The following SLC39A4 variants were observed in gnomAD, a reference collection of about 807,000 sequenced individuals.
The protein encoded by SLC39A4 is zinc transporter ZIP4.
SLC39A4 carries 49 observed loss-of-function variants against 56.6 expected under a neutral mutation model. That is an observed-to-expected ratio of 0.87 (90% CI 0.69 to 1.10). The LOEUF (loss-of-function observed/expected upper bound fraction) is 1.10, where lower values mean the gene tolerates loss of function less well. SLC39A4 is among the 50% of genes least tolerant of loss of function. The pLI is 0.00. For synonymous variants in SLC39A4, 540 were observed against 420.4 expected, an observed-to-expected ratio of 1.28 and a Z score of -3.48; for missense variants, 993 against 864.2, an observed-to-expected ratio of 1.15 and a Z score of -1.87.
In SLC39A4 at chr8:144,412,670, A is replaced by G. The variant is rs377259479; in HGVS notation, c.1816-4T>C. Reference sequence around the variant, plus strand: ...GTACTTTCAACATCGCCGGGAGCTGAGGAGCAAGTGGGCACCGGGTCAGCG... The same window carrying G: ...GTACTTTCAACATCGCCGGGAGCTGGGGAGCAAGTGGGCACCGGGTCAGCG... On this transcript the variant is annotated splice_polypyrimidine_tract_variant and splice_region_variant and intron_variant, in intron 11 of 11. Coordinates refer to ENST00000301305, the MANE Select transcript of SLC39A4 (RefSeq NM_130849.4). 6.2e-7 allele frequency: 1 copy of G among 1,613,666 alleles called. No individual in the cohort carries two copies. The highest frequency in any genetic ancestry group is 1.3e-5 in the African/African-American group (1 of 74,930).
rs1184115777 is a variant in SLC39A4 at position 144,414,301 on chromosome 8, AC to A, written c.1109del (p.Gly370ValfsTer11). The A allele has an allele frequency of 6.2e-7, 1 of 1,606,806 alleles. No homozygotes were observed. The highest frequency in any genetic ancestry group is 8.5e-7 in the Non-Finnish European group (1 of 1,177,936). On this transcript the variant is annotated frameshift_variant, in exon 6 of 12. Coordinates refer to ENST00000301305, the MANE Select transcript of SLC39A4 (RefSeq NM_130849.4). LOFTEE classifies it high-confidence loss of function. ...ILQTFLSLAV[G>X]AVTGDAVLHL... ...GCAGGACAGCGTCCCCAGTGACTGC[AC>A]CCACTGCCAGGCTCAGGAAGGTCTG...
rs782012863 is a variant in SLC39A4, at chr8:144,415,003, A to G, written c.775T>C (p.Ser259Pro). 3 of 1,612,130 alleles carry G rather than the reference A, an allele frequency of 1.9e-6. No homozygotes were observed. The highest frequency in any genetic ancestry group is 2.2e-5 in the South Asian group (2 of 91,086). Residue 259 changes from serine to proline, a missense_variant, in exon 4 of 12, where the codon TCC becomes CCC. Ser to Pro is a moderately conservative substitution (Grantham distance 74). Transcript: ENST00000301305. ...SSRDPVPLIS[S>P]SNSSSVWDTV... ...TCCCACACACTGGAGCTGTTGCTGG[A>G]GCTGATGAGGGGCACAGGGTCCCGG...
rs782606354 is a variant in SLC39A4 at position 144,413,307 on chromosome 8, G to A, written c.1557C>T (p.Phe519=). Reference sequence around the variant, plus strand: ...CCAGCCCGGTCTTCCAGGAGGACGCGAAGGCGGCGCCCACGGCCAGCCCGT... The same window carrying A: ...CCAGCCCGGTCTTCCAGGAGGACGCAAAGGCGGCGCCCACGGCCAGCCCGT... ...FADGLAVGAA[F]ASSWKTGLAT... Residue 519 remains phenylalanine, a synonymous_variant, in exon 10 of 12, where the codon TTC becomes TTT. Coordinates refer to ENST00000301305, the MANE Select transcript of SLC39A4 (RefSeq NM_130849.4). The A allele has an allele frequency of 2.1e-5, 34 of 1,603,412 alleles. No individual in the cohort carries two copies. In the South Asian group the frequency reaches 3.4e-4, roughly 16 times the overall value.
intron 1 of SLC39A4, chr8:144,416,294 AAC>A: frequency 1.3e-6 from 2 of 1,528,212 alleles, no homozygotes; most frequent in Non-Finnish European, 1.8e-6. Context: ...AGGGGTCCCC[AAC>A]AGTGGTCCCC....
rs1048375699 is a variant in SLC39A4 at position 144,416,532 on chromosome 8, C to G, written c.192+66G>C. On this transcript the variant is annotated intron_variant, in intron 1 of 11. Transcript: ENST00000301305. ...GAGTTTGCCCAGGGCCCTTTGCTGCCGGCTGGCAGGGCGGAGCTGGCGGGA... is the reference window on the plus strand; with the variant it reads ...GAGTTTGCCCAGGGCCCTTTGCTGCGGGCTGGCAGGGCGGAGCTGGCGGGA... The G allele has an allele frequency of 4.6e-6, 7 of 1,529,100 alleles. No individual in the cohort carries two copies. In the African/African-American group the frequency reaches 9.6e-5, roughly 21 times the overall value. 94.7% of individuals were successfully genotyped at this position (1,529,100 alleles called of 1,614,324 possible). A position where few individuals can be genotyped will look rare whatever the true frequency, so the allele number is the denominator to read the frequency against.
At position 144,415,083 on chromosome 8, in the gene SLC39A4, C is replaced by T. The variant is rs1822112979; in HGVS notation, c.695G>A (p.Gly232Glu). The T allele has an allele frequency of 3.7e-6, 6 of 1,611,728 alleles. No homozygotes were observed. The highest frequency in any genetic ancestry group is 1.7e-5 in the Admixed American group (1 of 60,026). ...GTCACTGTGGGCCTCCCTGCCCACC[C>T]CCAGGCGCTGCATCAAGGCTGACAG... ...AELSALMQRL[G>E]VGREAHSDHS... The change falls in exon 4 of 12, where the codon GGG becomes GAG. Residue 232 changes from glycine to glutamate, a missense_variant. By Grantham distance (98) the Gly-to-Glu change is moderately conservative. Coordinates refer to ENST00000301305, the MANE Select transcript of SLC39A4 (RefSeq NM_130849.4).
chr8:144,415,380 C>A lies in SLC39A4; in HGVS notation c.514G>T (p.Gly172Trp). ...CCAGCACTGCCCGGAGCCCCCGCCC[C>A]CACCGCCTCCTCCAGCAGCTGAGGG... ...DIPQLLEEAV[G>W]AGAPGSAGGV... Residue 172 changes from glycine to tryptophan, a missense_variant, in exon 3 of 12, where the codon GGG (glycine) becomes TGG (tryptophan). Transcript: ENST00000301305. 1 of 1,608,322 alleles carries A rather than the reference C, an allele frequency of 6.2e-7. No individual in the cohort carries two copies.
chr8:144,415,089 C>T lies in SLC39A4; in HGVS notation c.689G>A (p.Arg230His), dbSNP rs782433578. 11 of 1,611,740 alleles carry T rather than the reference C, an allele frequency of 6.8e-6. No individual in the cohort carries two copies. Among genetic ancestry groups the T allele is most frequent in the East Asian group, 2.2e-5 (1 of 44,874 alleles). The change falls in exon 4 of 12, where the codon CGC becomes CAC. Residue 230 changes from arginine (R) to histidine (H), a missense_variant. Coordinates refer to ENST00000301305, the MANE Select transcript of SLC39A4 (RefSeq NM_130849.4). ...GTGGGCCTCCCTGCCCACCCCCAGG[C>T]GCTGCATCAAGGCTGACAGCTCTGG... The part of the protein sequence containing the change: ...TLAELSALMQ[R>H]LGVGREAHSD...
intron 10 of SLC39A4, 142 bp downstream of exon 10, chr8:144,413,094 GC>G: frequency 1.4e-6 from 2 of 1,474,914 alleles, no homozygotes; most frequent in South Asian, 2.5e-5. Context: ...CACCTTCCAG[GC>G]CCCGCCCCAC....
In SLC39A4 at chr8:144,412,835, C is replaced by A. The variant is rs782178457; in HGVS notation, c.1739G>T (p.Gly580Val). Residue 580 changes from glycine (G) to valine (V), a missense_variant, in exon 11 of 12, where the codon GGA becomes GTA. Coordinates refer to ENST00000301305, the MANE Select transcript of SLC39A4 (RefSeq NM_130849.4). Reference sequence around the variant, plus strand: ...CCAGGCCTCGCTCTCCTCGCTGACTCCAACCGCGAGTGCCACGTAGAGACC... The same window carrying A: ...CCAGGCCTCGCTCTCCTCGCTGACTACAACCGCGAGTGCCACGTAGAGACC... ...FAGLYVALAV[G>V]VSEESEAWIL... is the part of the protein sequence containing the mutation. The A allele has an allele frequency of 1.9e-6, 3 of 1,612,918 alleles. No homozygotes were observed. The Admixed American group carries it at 5.0e-5, about 27-fold the overall frequency.
intron 2 of SLC39A4, 108 bp downstream of exon 2, chr8:144,415,702 G>C: frequency 7.1e-7 from 1 of 1,413,324 alleles, no homozygotes. Context: ...ACTCCTGGGC[G>C]TCTCCCCAGG....
chr8:144,414,145 A>G (rs1554872885), intron 6 of SLC39A4, 50 bp from the exon 7 acceptor site: 5 of 1,558,336 alleles, frequency 3.2e-6, no homozygotes, highest in Non-Finnish European at 4.3e-6. Flanking sequence ...GGCGCCTCCC[A>G]CCAAGACCCA....
rs1554872452 is a variant in SLC39A4 at position 144,413,549 on chromosome 8, C to T, written c.1438G>A (p.Glu480Lys). 1.5e-5 allele frequency: 23 copies of T among 1,554,624 alleles called. No individual in the cohort carries two copies. Among genetic ancestry groups the T allele is most frequent in the Non-Finnish European group, 1.9e-5 (22 of 1,149,246 alleles). Residue 480 changes from glutamate to lysine, a missense_variant, in exon 9 of 12, where the codon GAG (glutamate) becomes AAG (lysine). By Grantham distance (56) the Glu-to-Lys change is moderately conservative. Transcript: ENST00000301305. ...CTCCTGGGCTCAGGGTTCAGCAGCT[C>T]CGGGCTCTCCTCCGCCACCTGGGAG... is the stretch of plus-strand genomic sequence containing the variant. ...RADLVAEESPELLNPEPRRLS... is the reference protein window; with the variant it reads ...RADLVAEESPKLLNPEPRRLS...
rs782273130 is a variant in SLC39A4 at position 144,414,255 on chromosome 8, G to A, written c.1149+7C>T. 4.8e-5 allele frequency: 77 copies of A among 1,607,736 alleles called. No homozygotes were observed. The highest frequency in any genetic ancestry group is 2.4e-4 in the Admixed American group (14 of 58,904). On this transcript the variant is annotated splice_region_variant and intron_variant, in intron 6 of 11. Coordinates refer to ENST00000301305, the MANE Select transcript of SLC39A4 (RefSeq NM_130849.4). ...AGGGCCAGGGTCGCGGGTTTGTGGG[G>A]GCAGACCTTGGGCGTCAGATGCAGG...
In SLC39A4 at chr8:144,415,924, G is replaced by T. The variant is rs1554873849; in HGVS notation, c.360C>A (p.Ala120=). The T allele has an allele frequency of 2.5e-6, 4 of 1,595,534 alleles. No individual in the cohort carries two copies. Among genetic ancestry groups the T allele is most frequent in the Non-Finnish European group, 3.4e-6 (4 of 1,173,654 alleles). ...GGGCCAGGAGGTGGTCTGCATGAGA[G>T]GCCCAGAGGCCAGCCCGAGCGTCCT... ...TCEDARAGLW[A]SHADHLLALL... The change falls in exon 2 of 12, where the codon GCC becomes GCA. Residue 120 remains alanine (A), a synonymous_variant. Transcript: ENST00000301305.
Position 144,414,976 on chromosome 8 carries a change from T to C in SLC39A4, c.802A>G (p.Thr268Ala), listed in dbSNP as rs1554873333. 1.9e-6 allele frequency: 3 copies of C among 1,612,770 alleles called. No individual in the cohort carries two copies. Among genetic ancestry groups the C allele is most frequent in the South Asian group, 1.1e-5 (1 of 91,084 alleles). ...TCTTACCCCAGGGCGCAGCTCACCG[T>C]GTCCCACACACTGGAGCTGTTGCTG... is the stretch of plus-strand genomic sequence containing the variant. ...SSSNSSSVWD[T>A]VCLSARDVMA... Residue 268 changes from threonine to alanine, a missense_variant and splice_region_variant, in exon 4 of 12, where the codon ACG becomes GCG. Thr to Ala is a moderately conservative substitution (Grantham distance 58). Coordinates refer to ENST00000301305, the MANE Select transcript of SLC39A4 (RefSeq NM_130849.4).
rs1554871829 is a variant in SLC39A4 at position 144,412,625 on chromosome 8, G to T, written c.1857C>A (p.Leu619=). ...GGCCCACGTTGTGCAGCAGGAAGAG[G>T]AGCCAGGGCCGCGGGTCCCGTACTT... The part of the protein sequence containing the change: ...MLKVRDPRPW[L]LFLLHNVGLL... The change falls in exon 12 of 12, where the codon CTC becomes CTA. Residue 619 remains leucine, a synonymous_variant. Transcript: ENST00000301305. 5 of 1,614,140 alleles carry T rather than the reference G, an allele frequency of 3.1e-6. No individual in the cohort carries two copies. The South Asian group carries it at 5.5e-5, about 18-fold the overall frequency.
At position 144,413,822 on chromosome 8, in the gene SLC39A4, A is replaced by G. The variant is rs1822018982; in HGVS notation, c.1347T>C (p.Gly449=). Residue 449 remains glycine, a synonymous_variant, in exon 8 of 12, where the codon GGT becomes GGC. Coordinates refer to ENST00000301305, the MANE Select transcript of SLC39A4 (RefSeq NM_130849.4). ...SSHSHGGHSH[G]VSLQLAPSEL... ...CGCTGGGTGCCAGCTGCAGGGACACACCGTGGCTGTGGCCCCCGTGGCTAT... is the reference window on the plus strand; with the variant it reads ...CGCTGGGTGCCAGCTGCAGGGACACGCCGTGGCTGTGGCCCCCGTGGCTAT... 2 of 1,585,254 alleles carry G rather than the reference A, an allele frequency of 1.3e-6. No homozygotes were observed. The highest frequency in any genetic ancestry group is 1.8e-5 in the Admixed American group (1 of 56,838).
At position 144,414,073 on chromosome 8, in the gene SLC39A4, C is replaced by T. The variant is rs1822045836; in HGVS notation, c.1172G>A (p.Ser391Asn). Residue 391 changes from serine (S) to asparagine (N), a missense_variant, in exon 7 of 12, where the codon AGC becomes AAC. Transcript: ENST00000301305. ...GGGCTGTGGGCTGAGGCCCTCTTCG[C>T]TGTGTGTATGCAGCCCCAGCACCTG... ...TPKVLGLHTH[S>N]EEGLSPQPTW... 1.3e-6 allele frequency: 2 copies of T among 1,561,794 alleles called. No homozygotes were observed.
Sources: gnomAD v4.1 joint callset for allele counts on GRCh38, gnomAD v4.1.1 for gene constraint, MANE v1.5 for transcripts, NCBI Gene and HGNC (gene_info 2026-07-23, HGNC 2026-07-21) for gene names.